RMST: variants seen among roughly 807,000 people sequenced by gnomAD.
The protein encoded by RMST is rhabdomyosarcoma 2 associated transcript.
intron 10 of RMST, among the ~76,000 whole-genome samples, chr12:97,525,078 A>G (rs1592739328): frequency 6.6e-6 from 1 of 152,320 alleles, no homozygotes; most frequent in Non-Finnish European, 1.5e-5. Flanking sequence ...GTACATTTGT[A>G]ACATGGGGAA....
intron 11 of RMST, among the ~76,000 whole-genome samples, chr12:97,535,212 C>T (rs1468371771): frequency 1.3e-5 from 2 of 151,582 alleles, no homozygotes; most frequent in Non-Finnish European, 3.0e-5. Context: ...TGTTAACTTT[C>T]CAACTTAATT....
chr12:97,514,208 C>T (rs1176796582), intron 10 of RMST, among the ~76,000 whole-genome samples: 1 of 152,154 alleles, frequency 6.6e-6, no homozygotes, highest in African/African-American at 2.4e-5. Context: ...TAGTTAATTA[C>T]TGCAATAATT....
chr12:97,490,908 T>C (rs7305831), intron 5 of RMST, among the ~76,000 whole-genome samples: 73,167 of 152,084 alleles, frequency 0.48, 18,197 homozygotes, highest in Middle Eastern at 0.62. Flanking sequence ...TGAACACTTA[T>C]CTTGAAAATC....
chr12:97,471,516 C>A (rs12424520), intron 5 of RMST, among the ~76,000 whole-genome samples: 1 of 152,084 alleles, frequency 6.6e-6, no homozygotes, highest in Admixed American at 6.6e-5. Context: ...AGCTGAACAG[C>A]CCGTGAGAGT....
chr12:97,489,925 T>A (rs896653310), intron 5 of RMST, among the ~76,000 whole-genome samples: 5 of 152,158 alleles, frequency 3.3e-5, no homozygotes, highest in African/African-American at 1.2e-4. Flanking sequence ...ATAAAACAAC[T>A]TGTCTAACTT....
At chr12:97,526,392 A>C (rs1266255858) in intron 10 of RMST, among the ~76,000 whole-genome samples, 1 of 152,166 alleles carries the variant, frequency 6.6e-6, no homozygotes, top group Non-Finnish European at 1.5e-5. Flanking sequence ...CTACAGTATG[A>C]ATATAACATA....
intron 10 of RMST, among the ~76,000 whole-genome samples, chr12:97,517,712 T>A (rs1323086001): frequency 6.6e-6 from 1 of 152,050 alleles, no homozygotes; most frequent in East Asian, 1.9e-4. Context: ...TCTTGTAAAT[T>A]GTCTCACACT....
intron 11 of RMST, among the ~76,000 whole-genome samples, chr12:97,537,118 G>A (rs948402146): frequency 4.6e-5 from 7 of 151,478 alleles, no homozygotes; most frequent in South Asian, 2.1e-4. Flanking sequence ...ACAAATGAAA[G>A]TGTTTTGTAG....
intron 10 of RMST, among the ~76,000 whole-genome samples, chr12:97,509,273 GATGTCTTAAGTCAA>G (rs1311793031): frequency 6.6e-6 from 1 of 152,178 alleles, no homozygotes; most frequent in African/African-American, 2.4e-5. Flanking sequence ...CTGATCTGTT[GATGTCTTAAGTCAA>G]ACCTATAATT....
At chr12:97,563,484 T>C (rs1884290317) in intron 13 of RMST, 1 of 254,796 alleles carries the variant, frequency 3.9e-6, no homozygotes, top group African/African-American at 2.4e-5. Flanking sequence ...GCATCAGTGA[T>C]TTGTCTGTCT....
chr12:97,520,010 G>C (rs933971860), intron 10 of RMST, among the ~76,000 whole-genome samples: 4 of 152,194 alleles, frequency 2.6e-5, no homozygotes, highest in Admixed American at 2.6e-4. Context: ...TAAGGAACAG[G>C]AAATTTTGCA....
At chr12:97,511,695 G>C (rs547140826) in intron 10 of RMST, among the ~76,000 whole-genome samples, 3 of 152,278 alleles carry the variant, frequency 2.0e-5, no homozygotes, top group African/African-American at 4.8e-5. Context: ...ATTTTGAAGA[G>C]TAAATGAAAT....
intron 10 of RMST, among the ~76,000 whole-genome samples, chr12:97,524,790 C>G (rs1478632560): frequency 6.6e-6 from 1 of 152,142 alleles, no homozygotes; most frequent in Admixed American, 6.5e-5. Context: ...TAGGAAGAAA[C>G]TATGACACTT....
intron 10 of RMST, among the ~76,000 whole-genome samples, chr12:97,514,586 G>T (rs886395192): frequency 6.6e-6 from 1 of 151,400 alleles, no homozygotes. Context: ...ATTTCGATTA[G>T]TTCATTCTGA....
intron 8 of RMST, among the ~76,000 whole-genome samples, chr12:97,494,157 C>T (rs968955799): frequency 2.0e-5 from 3 of 152,176 alleles, no homozygotes; most frequent in African/African-American, 7.2e-5. Context: ...GCATGTTCAT[C>T]TGTCCCCAGG....
At chr12:97,534,735 C>G (rs183203321) in intron 11 of RMST, among the ~76,000 whole-genome samples, 1 of 151,814 alleles carries the variant, frequency 6.6e-6, no homozygotes, top group Admixed American at 6.6e-5. Flanking sequence ...CCAGTCCCAG[C>G]CCTGACATTT....
At chr12:97,513,063 G>T (rs1879570074) in intron 10 of RMST, among the ~76,000 whole-genome samples, 2 of 152,220 alleles carry the variant, frequency 1.3e-5, no homozygotes, top group South Asian at 4.1e-4. Context: ...CGCCCACCCG[G>T]AACTCGCGCA....
intron 5 of RMST, among the ~76,000 whole-genome samples, chr12:97,475,388 C>G (rs1459064347): frequency 1.3e-5 from 2 of 152,108 alleles, no homozygotes; most frequent in African/African-American, 4.8e-5. Context: ...TTTTCTTTCT[C>G]ACCTTGGGGC....
At chr12:97,561,016 C>A (rs1592810942) in exon 13 of RMST, 1 of 152,290 alleles carries the variant, frequency 6.6e-6, no homozygotes, top group East Asian at 1.9e-4. Flanking sequence ...CCAGCAAGTG[C>A]CAAGGGGCTA....
Sources: gnomAD v4.1 joint callset for allele counts (sites outside exome capture counted in the v4.1 genomes callset) on GRCh38, gnomAD v4.1.1 for gene constraint, MANE v1.5 for transcripts, NCBI Gene and HGNC (gene_info 2026-07-23, HGNC 2026-07-21) for gene names.